GDPD4: variants seen among roughly 807,000 people sequenced by gnomAD.
GDPD4 encodes glycerophosphodiester phosphodiesterase 6.
A neutral mutation model predicts 67.8 loss-of-function variants in GDPD4; 60 were observed. The ratio of observed to expected loss-of-function variants is 0.88; its 90% CI spans 0.72 to 1.10. The LOEUF is 1.10. Among genes scored for constraint, GDPD4 ranks in the 50% least tolerant of loss-of-function variants. The pLI, the probability that GDPD4 is intolerant of heterozygous loss-of-function variation, is 0.00. For synonymous variants in GDPD4, 212 were observed against 210.9 expected (o/e 1.00, Z -0.04); for missense variants, 623 against 613.9 (o/e 1.01, Z -0.16).
chr11:77,245,581 T>C, intron 11 of GDPD4, 79 bp from the exon 12 acceptor site: 1 of 902,834 alleles, frequency 1.1e-6, no homozygotes. Context: ...CAGCTCTACC[T>C]CAGTTGCTCC....
chr11:77,235,379 T>TG (rs1280362683), intron 13 of GDPD4, among the ~76,000 whole-genome samples: 1 of 151,766 alleles, frequency 6.6e-6, no homozygotes, highest in Non-Finnish European at 1.5e-5. Flanking sequence ...TAAAACAATC[T>TG]GAAAAAAAAA....
At chr11:77,301,218 T>A (rs1408351308) in intron 1 of GDPD4, among the ~76,000 whole-genome samples, 1 of 152,164 alleles carries the variant, frequency 6.6e-6, no homozygotes, top group East Asian at 1.9e-4. Flanking sequence ...AAAAGTAATA[T>A]GTCCAAAACT....
rs765854454 is a variant in GDPD4, at chr11:77,276,234, G to A, written c.148-14C>T. ...AAATCCAAGTAACTGCAAAAGCAAA[G>A]AAGAAAAAGAGAGTTATTTTGAAAT... On this transcript the variant is annotated splice_polypyrimidine_tract_variant and intron_variant, in intron 4 of 16. Transcript: ENST00000315938. The A allele has an allele frequency of 3.1e-6, 5 of 1,609,392 alleles. No homozygotes were observed. The highest frequency in any genetic ancestry group is 4.3e-6 in the Non-Finnish European group (5 of 1,175,744).
chr11:77,277,400 T>C (rs1246274254), intron 4 of GDPD4, among the ~76,000 whole-genome samples: 1 of 105,516 alleles, frequency 9.5e-6, no homozygotes, highest in African/African-American at 3.5e-5. Flanking sequence ...CCTTTTTTTT[T>C]TTTTTTTTTT....
At chr11:77,245,195 AC>A (rs1958755558) in intron 12 of GDPD4, 85 bp downstream of exon 12, 1 of 940,188 alleles carries the variant, frequency 1.1e-6, no homozygotes, top group Non-Finnish European at 1.7e-6. Context: ...GGGTAGATGT[AC>A]AAGGTAGGTC....
intron 16 of GDPD4, among the ~76,000 whole-genome samples, chr11:77,225,494 G>C (rs372459692): frequency 2.0e-5 from 3 of 151,988 alleles, no homozygotes; most frequent in African/African-American, 4.8e-5. Context: ...AATCAAGATA[G>C]TCTCTCTCTC....
intron 4 of GDPD4, among the ~76,000 whole-genome samples, chr11:77,278,178 G>A (rs1004900999): frequency 2.0e-5 from 3 of 152,072 alleles, no homozygotes; most frequent in South Asian, 2.1e-4. Flanking sequence ...GGATGGTCTC[G>A]ATCTCCTGAC....
chr11:77,268,951 GGTT>G lies in GDPD4; in HGVS notation c.594_596del (p.Thr199del). ...TGGGTGCACCTCTATGTCCAAAGAT[GGTT>G]GGCTTGGGCCCCAAATTCTCCTTCT... On this transcript the variant is annotated inframe_deletion, in exon 9 of 17. Coordinates refer to ENST00000315938, the MANE Select transcript of GDPD4 (RefSeq NM_182833.3). 7 of 1,614,008 alleles carry G rather than the reference GGTT, an allele frequency of 4.3e-6. No homozygotes were observed. In the South Asian group the frequency reaches 7.7e-5, roughly 18 times the overall value.
chr11:77,249,564 A>AACT (rs1223914231), intron 11 of GDPD4, among the ~76,000 whole-genome samples: 1 of 152,198 alleles, frequency 6.6e-6, no homozygotes, highest in Non-Finnish European at 1.5e-5. Context: ...ACACAGGGCA[A>AACT]ACTGCTGCCC....
chr11:77,253,698 G>A (rs1958949888), intron 11 of GDPD4, among the ~76,000 whole-genome samples: 1 of 152,112 alleles, frequency 6.6e-6, no homozygotes, highest in South Asian at 2.1e-4. Flanking sequence ...TCAGGCCTTG[G>A]GGGCCTGACT....
At chr11:77,273,661 G>T (rs556073777) in intron 5 of GDPD4, among the ~76,000 whole-genome samples, 1 of 152,314 alleles carries the variant, frequency 6.6e-6, no homozygotes, top group African/African-American at 2.4e-5. Context: ...TAGAATTCAG[G>T]TATTAAGCAG....
intron 14 of GDPD4, among the ~76,000 whole-genome samples, chr11:77,230,824 T>G (rs1047490841): frequency 6.6e-6 from 1 of 152,188 alleles, no homozygotes; most frequent in African/African-American, 2.4e-5. Context: ...TCTCCCACCC[T>G]GAATCTGAAT....
chr11:77,249,765 TG>T (rs1487962894), intron 11 of GDPD4, among the ~76,000 whole-genome samples: 2 of 152,314 alleles, frequency 1.3e-5, no homozygotes, highest in Admixed American at 1.3e-4. Flanking sequence ...TACGTGATTA[TG>T]TTGCTTATTT....
chr11:77,249,934 G>A (rs1958855471), intron 11 of GDPD4, among the ~76,000 whole-genome samples: 2 of 152,040 alleles, frequency 1.3e-5, no homozygotes, highest in African/African-American at 4.8e-5. Flanking sequence ...TTAACCCACT[G>A]ATCATTCAGA....
intron 13 of GDPD4, among the ~76,000 whole-genome samples, chr11:77,243,094 T>G (rs1958704505): frequency 6.6e-6 from 1 of 152,212 alleles, no homozygotes; most frequent in Non-Finnish European, 1.5e-5. Context: ...ATGGATTAAA[T>G]TAAGCATGTT....
intron 1 of GDPD4, among the ~76,000 whole-genome samples, chr11:77,297,589 T>C (rs940620551): frequency 4.6e-5 from 7 of 151,886 alleles, no homozygotes; most frequent in Non-Finnish European, 1.0e-4. Flanking sequence ...CTAGGTTTCA[T>C]ATCCCAGCTT....
chr11:77,268,683 G>A (rs571239899), intron 9 of GDPD4, 144 bp from the exon 10 acceptor site: 147 of 755,836 alleles, frequency 1.9e-4, no homozygotes, highest in African/African-American at 9.8e-4. Context: ...TATACCCTCC[G>A]TCCAAGCTGA....
intron 1 of GDPD4, among the ~76,000 whole-genome samples, chr11:77,288,529 C>T (rs956512065): frequency 2.0e-5 from 3 of 152,202 alleles, no homozygotes; most frequent in African/African-American, 7.2e-5. Context: ...CTGACAAAAT[C>T]ATAGACACCA....
chr11:77,269,977 G>T lies in GDPD4; in HGVS notation c.401-17C>A. ...TCATTCTAACTAAAATTTAGAAAGTGAAAAAGAAAAGAGTTCATTATTGTC... is the reference window on the plus strand; with the variant it reads ...TCATTCTAACTAAAATTTAGAAAGTTAAAAAGAAAAGAGTTCATTATTGTC... On this transcript the variant is annotated splice_polypyrimidine_tract_variant and intron_variant, in intron 7 of 16. Coordinates refer to ENST00000315938, the MANE Select transcript of GDPD4 (RefSeq NM_182833.3). The T allele has an allele frequency of 7.4e-7, 1 of 1,357,246 alleles. No homozygotes were observed. The highest frequency in any genetic ancestry group is 1.0e-6 in the Non-Finnish European group (1 of 959,364). 84.1% of individuals were successfully genotyped at this position (1,357,246 alleles called of 1,614,324 possible). A position where few individuals can be genotyped will look rare whatever the true frequency, so the allele number is the denominator to read the frequency against.
Sources: allele counts gnomAD v4.1 joint callset (sites outside exome capture counted in the v4.1 genomes callset), GRCh38; gene constraint gnomAD v4.1.1; transcripts MANE v1.5; gene names NCBI Gene and HGNC (gene_info 2026-07-23, HGNC 2026-07-21).